The following MINDY3 variants were observed in gnomAD, a reference collection of about 807,000 sequenced individuals.
The protein encoded by MINDY3 is MINDY lysine 48 deubiquitinase 3.
Under a neutral mutation model 69.2 loss-of-function variants are expected in MINDY3, and 38 were observed. The ratio of observed to expected loss-of-function variants is 0.55; its 90% CI spans 0.42 to 0.72. The LOEUF (loss-of-function observed/expected upper bound fraction) is 0.72, where lower values mean the gene tolerates loss of function less well. Among genes scored for constraint, MINDY3 ranks in the 30% least tolerant of loss-of-function variants. MINDY3 has a pLI of 0.00. For synonymous variants in MINDY3, 192 were observed against 180.1 expected (o/e 1.07, Z -0.53); for missense variants, 522 against 519.0 (o/e 1.01, Z -0.06).
chr10:15,788,204 A>C (rs1227723289), intron 12 of MINDY3, among the ~76,000 whole-genome samples: 1 of 152,160 alleles, frequency 6.6e-6, no homozygotes, highest in African/African-American at 2.4e-5. Context: ...ATAAAGTTAG[A>C]AGAAGTATAG....
chr10:15,837,071 T>A, intron 6 of MINDY3, 133 bp downstream of exon 6: 2 of 571,288 alleles, frequency 3.5e-6, no homozygotes, highest in Middle Eastern at 3.3e-4. Context: ...AGAAATTAAC[T>A]CATTTTCAAC....
intron 13 of MINDY3, among the ~76,000 whole-genome samples, chr10:15,783,322 T>A (rs1836698629): frequency 6.6e-6 from 1 of 152,156 alleles, no homozygotes; most frequent in African/African-American, 2.4e-5. Context: ...CAATCATGAG[T>A]CTTAAAATCA....
intron 10 of MINDY3, among the ~76,000 whole-genome samples, chr10:15,800,268 G>C (rs1838166312): frequency 1.3e-5 from 2 of 152,038 alleles, no homozygotes; most frequent in African/African-American, 4.8e-5. Context: ...ATTATAAAAA[G>C]TTAAAATGTA....
intron 9 of MINDY3, among the ~76,000 whole-genome samples, chr10:15,819,742 G>C (rs1839627202): frequency 6.6e-6 from 1 of 152,162 alleles, no homozygotes; most frequent in Admixed American, 6.5e-5. Context: ...ACCTATCCAA[G>C]TGTTAGTGTG....
At chr10:15,848,615 C>T (rs187610112) in intron 1 of MINDY3, among the ~76,000 whole-genome samples, 3 of 97,410 alleles carry the variant, frequency 3.1e-5, no homozygotes, top group East Asian at 3.5e-4. Context: ...GCTTGGGCCA[C>T]AGAGCTAGAC....
chr10:15,829,797 T>C (rs1840334021), intron 8 of MINDY3, among the ~76,000 whole-genome samples: 1 of 151,856 alleles, frequency 6.6e-6, no homozygotes, highest in Non-Finnish European at 1.5e-5. Flanking sequence ...GCAGCTAGCA[T>C]TTCTGTGCTT....
intron 2 of MINDY3, among the ~76,000 whole-genome samples, chr10:15,843,713 TAG>T (rs771509698): frequency 2.0e-5 from 3 of 152,122 alleles, no homozygotes; most frequent in Non-Finnish European, 4.4e-5. Context: ...TTAACACTAT[TAG>T]AGTCATCACT....
chr10:15,813,695 C>A (rs933961624), intron 10 of MINDY3, among the ~76,000 whole-genome samples: 1 of 152,166 alleles, frequency 6.6e-6, no homozygotes, highest in Non-Finnish European at 1.5e-5. Context: ...AAGAAACCTG[C>A]AACTATTACC....
At chr10:15,836,073 G>A (rs920577613) in intron 6 of MINDY3, among the ~76,000 whole-genome samples, 1 of 152,018 alleles carries the variant, frequency 6.6e-6, no homozygotes, top group African/African-American at 2.4e-5. Context: ...TACATAGAAA[G>A]GTCTTCATAT....
At chr10:15,786,532 CA>C (rs1435940480) in intron 13 of MINDY3, 28 bp downstream of exon 13, 1 of 1,257,130 alleles carries the variant, frequency 8.0e-7, no homozygotes, top group East Asian at 2.3e-5. Context: ...AACAGAATAA[CA>C]ATGAATATAT....
chr10:15,778,941 CCTT>C lies in MINDY3; in HGVS notation c.*48_*50del, dbSNP rs762288976. The C allele has an allele frequency of 8.4e-6, 13 of 1,548,084 alleles. No homozygotes were observed. Among genetic ancestry groups the C allele is most frequent in the Admixed American group, 5.3e-5 (3 of 56,562 alleles). On this transcript the variant is annotated 3_prime_UTR_variant, in exon 15 of 15. Transcript: ENST00000277632. ...ATCCAGCCAATTGCCAGTCTTGACT[CCTT>C]CTTTCAACATCTGTTATTAAGATCT... is the stretch of plus-strand genomic sequence containing the variant.
At chr10:15,850,887 C>A (rs763882053) in intron 1 of MINDY3, among the ~76,000 whole-genome samples, 1 of 152,088 alleles carries the variant, frequency 6.6e-6, no homozygotes, top group Non-Finnish European at 1.5e-5. Context: ...AGCTTTAAAA[C>A]TTCTCTCTTT....
chr10:15,845,103 T>C (rs1281738700), intron 2 of MINDY3, among the ~76,000 whole-genome samples: 1 of 152,242 alleles, frequency 6.6e-6, no homozygotes, highest in Admixed American at 6.5e-5. Context: ...GTGTTGATGA[T>C]ACATTAAGTT....
At chr10:15,841,174 T>C (rs1198239845) in intron 4 of MINDY3, among the ~76,000 whole-genome samples, 4 of 151,340 alleles carry the variant, frequency 2.6e-5, no homozygotes, top group African/African-American at 7.3e-5. Context: ...GAGATTATTA[T>C]CAAGCAGAAG....
intron 10 of MINDY3, among the ~76,000 whole-genome samples, chr10:15,807,905 G>A (rs1838744232): frequency 6.6e-6 from 1 of 152,148 alleles, no homozygotes; most frequent in Non-Finnish European, 1.5e-5. Context: ...AAGGAGGCAA[G>A]AACATTTATA....
chr10:15,850,992 G>A (rs1442922073), intron 1 of MINDY3, among the ~76,000 whole-genome samples: 1 of 152,148 alleles, frequency 6.6e-6, no homozygotes, highest in Non-Finnish European at 1.5e-5. Flanking sequence ...CCCCCGATAA[G>A]TGAACCAAAC....
chr10:15,815,986 C>T (rs192131907), intron 10 of MINDY3, among the ~76,000 whole-genome samples: 6 of 152,214 alleles, frequency 3.9e-5, no homozygotes, highest in Non-Finnish European at 7.4e-5. Context: ...TCAGATATGG[C>T]GGGGCACAGT....
intron 1 of MINDY3, among the ~76,000 whole-genome samples, chr10:15,856,121 T>C (rs1834674252): frequency 6.6e-6 from 1 of 152,084 alleles, no homozygotes; most frequent in Non-Finnish European, 1.5e-5. Flanking sequence ...ATCCACAGTA[T>C]TAGCTTCACT....
At chr10:15,796,936 G>A (rs1837885533) in intron 10 of MINDY3, among the ~76,000 whole-genome samples, 1 of 151,962 alleles carries the variant, frequency 6.6e-6, no homozygotes, top group South Asian at 2.1e-4. Context: ...TTTACCTCTG[G>A]TTAGCTTTTA....
Sources: gnomAD v4.1 joint callset for allele counts (sites outside exome capture counted in the v4.1 genomes callset) on GRCh38, gnomAD v4.1.1 for gene constraint, MANE v1.5 for transcripts, NCBI Gene and HGNC (gene_info 2026-07-23, HGNC 2026-07-21) for gene names.